The following ORC2 variants were observed in gnomAD, a reference collection of about 807,000 sequenced individuals.
The protein encoded by ORC2 is origin recognition complex protein 2 homolog.
In ORC2, 37 loss-of-function variants were observed where a neutral mutation model predicts 77.7. The observed-to-expected ratio is 0.48, with a 90% CI of 0.37 to 0.63. The LOEUF (loss-of-function observed/expected upper bound fraction) is 0.63. Ranked by LOEUF, ORC2 falls within the 20% of genes least tolerant of loss-of-function variation. ORC2 has a pLI of 0.00. For missense variants in ORC2, 557 were observed against 661.9 expected (o/e 0.84, Z 1.74); for synonymous variants, 201 against 229.5 (o/e 0.88, Z 1.12).
intron 3 of ORC2, 99 bp downstream of exon 3, chr2:200,957,931 G>C: frequency 1.4e-6 from 1 of 737,920 alleles, no homozygotes. Flanking sequence ...TCAATCCTTT[G>C]CGCTATATTT....
chr2:200,934,063 C>G (rs1056553878), intron 9 of ORC2, 89 bp from the exon 10 acceptor site: 2 of 616,128 alleles, frequency 3.2e-6, no homozygotes, highest in Admixed American at 5.9e-5. Context: ...TAAAATAGGA[C>G]ACGTGAAATT....
At chr2:200,915,848 C>T (rs1378640259) in intron 15 of ORC2, among the ~76,000 whole-genome samples, 3 of 152,044 alleles carry the variant, frequency 2.0e-5, no homozygotes, top group Non-Finnish European at 4.4e-5. Flanking sequence ...TGGACACCAC[C>T]ACGCCCAGCT....
At chr2:200,940,552 A>G (rs897104421) in intron 7 of ORC2, among the ~76,000 whole-genome samples, 1 of 152,170 alleles carries the variant, frequency 6.6e-6, no homozygotes, top group African/African-American at 2.4e-5. Context: ...CTGAAATCCC[A>G]GTACTTTGAG....
intron 2 of ORC2, among the ~76,000 whole-genome samples, chr2:200,958,357 A>G (rs545487804): frequency 2.0e-5 from 3 of 152,348 alleles, no homozygotes; most frequent in East Asian, 3.9e-4. Flanking sequence ...ATTTGAGAAG[A>G]GCTAAATCCA....
intron 13 of ORC2, among the ~76,000 whole-genome samples, chr2:200,924,109 G>A (rs1284582484): frequency 6.6e-6 from 1 of 152,110 alleles, no homozygotes. Flanking sequence ...CACTTTGGAA[G>A]GCCCAGGCAG....
chr2:200,916,879 A>G (rs934477122), intron 15 of ORC2, among the ~76,000 whole-genome samples: 2 of 151,536 alleles, frequency 1.3e-5, no homozygotes, highest in Non-Finnish European at 2.9e-5. Flanking sequence ...ATTTTTTAGT[A>G]GAGATGGGAT....
At chr2:200,926,660 A>T in intron 12 of ORC2, 108 bp downstream of exon 12, 1 of 1,023,480 alleles carries the variant, frequency 9.8e-7, no homozygotes, top group Non-Finnish European at 1.5e-6. Context: ...CAATCCTACT[A>T]CCGTGAAGGC....
In ORC2 at chr2:200,959,898, C is replaced by CA. The variant is rs527992510; in HGVS notation, c.-59-459dup. Among the ~76,000 whole-genome samples, 413 of 131,380 alleles carry CA rather than the reference C, an allele frequency of 3.1e-3. 8 individuals carry two copies. The East Asian group carries it at 0.046, about 15-fold the overall frequency. 86.2% of individuals were successfully genotyped at this position (131,380 alleles called of 152,430 possible). A position where few individuals can be genotyped will look rare whatever the true frequency, so the allele number is the denominator to read the frequency against. ...TGGCAACAGTAAGGCCTGCCTCTAC[C>CA]AAAAAAAAAAAAAATTAGCTGGGCG... On this transcript the variant is annotated intron_variant, in intron 1 of 17. Transcript: ENST00000234296.
chr2:200,942,357 G>A (rs964462790), intron 6 of ORC2, among the ~76,000 whole-genome samples: 2 of 152,150 alleles, frequency 1.3e-5, no homozygotes, highest in East Asian at 1.9e-4. Context: ...AACTCCAAAC[G>A]CCTTATTTCA....
In ORC2 at chr2:200,921,159, AATT is replaced by A. The variant is rs768900875; in HGVS notation, c.1148-23_1148-21del. ...AAGAATCTAAAAAGAAAAGAAATCC[AATT>A]ATTATTATTATTATTTTTAGAGGGT... On this transcript the variant is annotated intron_variant, in intron 13 of 17. Coordinates refer to ENST00000234296, the MANE Select transcript of ORC2 (RefSeq NM_006190.5). 355 of 1,485,700 alleles carry A rather than the reference AATT, an allele frequency of 2.4e-4. No homozygotes were observed. Among genetic ancestry groups the A allele is most frequent in the South Asian group, 5.1e-4 (42 of 82,262 alleles). 92.0% of individuals were successfully genotyped at this position (1,485,700 alleles called of 1,614,324 possible). A position where few individuals can be genotyped will look rare whatever the true frequency, so the allele number is the denominator to read the frequency against.
chr2:200,938,306 G>A (rs1011633653), intron 7 of ORC2, among the ~76,000 whole-genome samples: 12 of 152,122 alleles, frequency 7.9e-5, no homozygotes, highest in Non-Finnish European at 1.3e-4. Flanking sequence ...CTGGGATTAT[G>A]GGTGTGAGCC....
Position 200,934,701 on chromosome 2 carries a change from G to C in ORC2, c.709-727C>G, listed in dbSNP as rs2041004082. Among the ~76,000 whole-genome samples the C allele has an allele frequency of 1.3e-5, 2 of 151,516 alleles. 1 individual carries two copies. Among genetic ancestry groups the C allele is most frequent in the African/African-American group, 4.8e-5 (2 of 41,244 alleles). On this transcript the variant is annotated intron_variant, in intron 9 of 17. Coordinates refer to ENST00000234296, the MANE Select transcript of ORC2 (RefSeq NM_006190.5). The stretch of plus-strand genomic sequence containing the variant: ...GTGAAAATGAGGAAATCAACTGCAA[G>C]GTAACAAAAGAAAAAAAAGAAACCC...
intron 7 of ORC2, among the ~76,000 whole-genome samples, chr2:200,940,742 C>T (rs1334141289): frequency 6.6e-6 from 1 of 152,070 alleles, no homozygotes; most frequent in African/African-American, 2.4e-5. Context: ...GTGGAGGTTG[C>T]AGTGAGCCGA....
rs2040546724 is a variant in ORC2, at chr2:200,911,283, C to T, written c.*18G>A. 2.0e-6 allele frequency: 3 copies of T among 1,519,756 alleles called. No homozygotes were observed. The highest frequency in any genetic ancestry group is 1.8e-6 in the Non-Finnish European group (2 of 1,094,684). The allele number at this position is 1,519,756 out of a possible 1,614,324, so 94.1% of individuals were successfully genotyped here. A position where few individuals can be genotyped will look rare whatever the true frequency, so the allele number is the denominator to read the frequency against. Reference sequence around the variant, plus strand: ...GGGTACAACCCTTCCATGGGAGATTCAAGAATAAAGGAAAGCTTCAAGCCT... The same window carrying T: ...GGGTACAACCCTTCCATGGGAGATTTAAGAATAAAGGAAAGCTTCAAGCCT... On this transcript the variant is annotated 3_prime_UTR_variant, in exon 18 of 18. Coordinates refer to ENST00000234296, the MANE Select transcript of ORC2 (RefSeq NM_006190.5).
At chr2:200,959,934 T>C (rs2041540502) in intron 1 of ORC2, among the ~76,000 whole-genome samples, 1 of 151,832 alleles carries the variant, frequency 6.6e-6, no homozygotes, top group African/African-American at 2.4e-5. Flanking sequence ...TAGTGGCATG[T>C]GCCTATAGTC....
At chr2:200,922,089 A>G (rs1345705013) in intron 13 of ORC2, among the ~76,000 whole-genome samples, 3 of 142,536 alleles carry the variant, frequency 2.1e-5, no homozygotes, top group South Asian at 2.2e-4. Flanking sequence ...TAATGCTCTC[A>G]GAGATTATAT....
Position 200,937,902 on chromosome 2 carries a change from G to A in ORC2, c.514+4C>T, listed in dbSNP as rs189055887. On this transcript the variant is annotated splice_donor_region_variant and intron_variant, in intron 8 of 17. Transcript: ENST00000234296. ...TAAAAAGTCATGTAAAAACAAATAC[G>A]TACCTATTAATCTTTTTCTTAGACT... 94 of 1,570,082 alleles carry A rather than the reference G, an allele frequency of 6.0e-5. 2 individuals are homozygous for A. Among genetic ancestry groups the A allele is most frequent in the East Asian group, 9.0e-5 (4 of 44,530 alleles).
chr2:200,941,151 A>C, intron 7 of ORC2, 97 bp downstream of exon 7: 1 of 930,342 alleles, frequency 1.1e-6, no homozygotes, highest in Non-Finnish European at 1.7e-6. Context: ...AGCACTATAT[A>C]AATTAAGAGA....
chr2:200,938,808 G>C (rs775626209), intron 7 of ORC2, among the ~76,000 whole-genome samples: 4 of 152,182 alleles, frequency 2.6e-5, no homozygotes, highest in Admixed American at 1.3e-4. Flanking sequence ...GGGAGGCCAA[G>C]GCGGGCAGAT....
Sources: gnomAD v4.1 joint callset for allele counts (sites outside exome capture counted in the v4.1 genomes callset) on GRCh38, gnomAD v4.1.1 for gene constraint, MANE v1.5 for transcripts, NCBI Gene and HGNC (gene_info 2026-07-23, HGNC 2026-07-21) for gene names.